PCDH15: variants seen among roughly 807,000 people sequenced by gnomAD.
PCDH15 encodes the protein protocadherin related 15.
In PCDH15, 129 loss-of-function variants were observed where a neutral mutation model predicts 178.5. The observed-to-expected ratio is 0.72, with a 90% CI of 0.63 to 0.84. The LOEUF (loss-of-function observed/expected upper bound fraction) is 0.84. Ranked by LOEUF, PCDH15 falls within the 40% of genes least tolerant of loss-of-function variation. The probability of loss-of-function intolerance (pLI) is 0.00; values close to 1 mark genes in which losing one functional copy is unlikely to be tolerated. For synonymous variants in PCDH15, 800 were observed against 732.0 expected, an observed-to-expected ratio of 1.09 and a Z score of -1.50; for missense variants, 2,230 against 2,099.9, an observed-to-expected ratio of 1.06 and a Z score of -1.21.
chr10:55,183,990 C>T (rs893922513), intron 1 of PCDH15, among the ~76,000 whole-genome samples: 7 of 151,936 alleles, frequency 4.6e-5, no homozygotes, highest in African/African-American at 1.2e-4. Flanking sequence ...CTTTAACACA[C>T]GGTCAAGTAA....
At chr10:55,483,952 A>G (rs1840241868) in intron 2 of PCDH15, among the ~76,000 whole-genome samples, 1 of 151,890 alleles carries the variant, frequency 6.6e-6, no homozygotes, top group African/African-American at 2.4e-5. Context: ...CAAATACACC[A>G]TGGAATAATA....
intron 2 of PCDH15, among the ~76,000 whole-genome samples, chr10:54,529,232 A>G (rs1417083296): frequency 6.6e-6 from 1 of 152,160 alleles, no homozygotes; most frequent in East Asian, 1.9e-4. Flanking sequence ...ACTTGTCAAT[A>G]TTGAAGGAGT....
Position 54,757,368 on chromosome 10 carries a change from C to T in PCDH15, c.-29+43557G>A, listed in dbSNP as rs1335992332. The stretch of plus-strand genomic sequence containing the variant: ...CGCGATCTCGACTCACTGCAAGCTC[C>T]GCCTCCCGGGTTCACGCCATTCTCC... On this transcript the variant is annotated intron_variant, in intron 1 of 37. Transcript: ENST00000644397. Among the ~76,000 whole-genome samples the T allele has an allele frequency of 6.0e-5, 2 of 33,578 alleles. 1 individual carries two copies. Among genetic ancestry groups the T allele is most frequent in the Non-Finnish European group, 1.3e-4 (2 of 14,882 alleles). The allele number at this position is 33,578 out of a possible 152,430, so 22.0% of individuals were successfully genotyped here.
chr10:53,968,861 A>G (rs1405972202), intron 21 of PCDH15, among the ~76,000 whole-genome samples: 1 of 152,200 alleles, frequency 6.6e-6, no homozygotes, highest in African/African-American at 2.4e-5. Context: ...CATCACCATC[A>G]TCAAAGACCA....
chr10:54,149,739 C>T (rs2044330730), intron 14 of PCDH15, among the ~76,000 whole-genome samples: 2 of 152,062 alleles, frequency 1.3e-5, no homozygotes, highest in Non-Finnish European at 2.9e-5. Context: ...CCAGGATCAC[C>T]CAGGCTATTG....
chr10:55,588,125 C>T (rs1040602578), intron 2 of PCDH15, among the ~76,000 whole-genome samples: 1 of 152,146 alleles, frequency 6.6e-6, no homozygotes, highest in Non-Finnish European at 1.5e-5. Flanking sequence ...GGAGGTGTTA[C>T]ATTATTTGGT....
intron 1 of PCDH15, among the ~76,000 whole-genome samples, chr10:55,300,567 T>C (rs1311683211): frequency 6.6e-6 from 1 of 152,134 alleles, no homozygotes; most frequent in African/African-American, 2.4e-5. Context: ...AAATTGGAAA[T>C]TCACCCAATA....
intron 8 of PCDH15, among the ~76,000 whole-genome samples, chr10:54,309,938 T>G (rs1158377175): frequency 6.6e-6 from 1 of 152,102 alleles, no homozygotes; most frequent in Non-Finnish European, 1.5e-5. Context: ...AATGAAGAGT[T>G]TAATATTTAT....
At chr10:55,326,393 T>C (rs1844032451) in intron 2 of PCDH15, among the ~76,000 whole-genome samples, 1 of 152,136 alleles carries the variant, frequency 6.6e-6, no homozygotes, top group South Asian at 2.1e-4. Context: ...CATGGAATGC[T>C]GCACAGACAT....
chr10:54,993,854 A>T (rs987510471), intron 2 of PCDH15, among the ~76,000 whole-genome samples: 1 of 152,186 alleles, frequency 6.6e-6, no homozygotes, highest in Non-Finnish European at 1.5e-5. Context: ...ACACGAAAAG[A>T]TCAACCATCC....
Position 54,203,184 on chromosome 10 carries a change from A to G in PCDH15, c.1099-7295T>C, listed in dbSNP as rs140648198. ...AACTGAAACTGCATGCAATTATACA[A>G]TTATCAACTGTGTAGGTTCAACACC... On this transcript the variant is annotated intron_variant, in intron 10 of 37. Transcript: ENST00000644397. Among the ~76,000 whole-genome samples the G allele has an allele frequency of 3.4e-3, 511 of 152,270 alleles. 1 individual carries two copies. Among genetic ancestry groups the G allele is most frequent in the African/African-American group, 0.012 (488 of 41,552 alleles).
At chr10:55,362,771 C>G (rs1845260634) in intron 2 of PCDH15, among the ~76,000 whole-genome samples, 1 of 152,100 alleles carries the variant, frequency 6.6e-6, no homozygotes, top group South Asian at 2.1e-4. Flanking sequence ...TGTCCTTTAA[C>G]AGCCATAGCT....
chr10:54,234,776 T>A (rs1174986672), intron 9 of PCDH15, among the ~76,000 whole-genome samples: 1 of 150,878 alleles, frequency 6.6e-6, no homozygotes, highest in Non-Finnish European at 1.5e-5. Context: ...TTGTAAGAGT[T>A]TATATCTATT....
At chr10:55,130,678 CACGTGTGTGT>C (rs1162074949) in intron 2 of PCDH15, among the ~76,000 whole-genome samples, 2 of 100,598 alleles carry the variant, frequency 2.0e-5, no homozygotes, top group Non-Finnish European at 4.0e-5. Context: ...AACACACATA[CACGTGTGTGT>C]GTGTGTGTGT....
intron 2 of PCDH15, among the ~76,000 whole-genome samples, chr10:55,549,587 T>C (rs1841963729): frequency 6.6e-6 from 1 of 152,182 alleles, no homozygotes; most frequent in Non-Finnish European, 1.5e-5. Context: ...TGAGGTGGGC[T>C]AAAAGTAGAA....
At chr10:55,375,951 A>T (rs536817098) in intron 2 of PCDH15, among the ~76,000 whole-genome samples, 1 of 151,932 alleles carries the variant, frequency 6.6e-6, no homozygotes, top group Non-Finnish European at 1.5e-5. Context: ...AATAAATATG[A>T]GTGTTTATTT....
At chr10:55,232,505 TC>T (rs939160085) in intron 1 of PCDH15, among the ~76,000 whole-genome samples, 2 of 152,108 alleles carry the variant, frequency 1.3e-5, no homozygotes, top group African/African-American at 4.8e-5. Context: ...TTTCCCCACT[TC>T]CTGGAACTTA....
chr10:54,715,199 A>C (rs999397686), intron 1 of PCDH15, among the ~76,000 whole-genome samples: 3 of 152,162 alleles, frequency 2.0e-5, no homozygotes, highest in Non-Finnish European at 4.4e-5. Flanking sequence ...AAGGTAACTG[A>C]CTATATAGAA....
At chr10:54,817,691 G>T (rs1279776034) in intron 3 of PCDH15, among the ~76,000 whole-genome samples, 1 of 151,874 alleles carries the variant, frequency 6.6e-6, no homozygotes, top group East Asian at 1.9e-4. Flanking sequence ...TATTTTGGGG[G>T]TTACTATGAG....
Sources: allele counts gnomAD v4.1 joint callset (sites outside exome capture counted in the v4.1 genomes callset), GRCh38; gene constraint gnomAD v4.1.1; transcripts MANE v1.5; gene names NCBI Gene and HGNC (gene_info 2026-07-23, HGNC 2026-07-21).